The following MICAL1 variants were observed in gnomAD, a reference collection of about 807,000 sequenced individuals.
The protein encoded by MICAL1 is [F-actin]-monooxygenase MICAL1.
MICAL1 carries 95 observed loss-of-function variants against 131.8 expected under a neutral mutation model. That is an observed-to-expected ratio of 0.72 (90% CI 0.61 to 0.86). The LOEUF (loss-of-function observed/expected upper bound fraction) is 0.86, where lower values mean the gene tolerates loss of function less well. MICAL1 is among the 40% of genes least tolerant of loss of function. MICAL1 has a pLI of 0.00. For missense variants in MICAL1, 1,292 were observed against 1,380.6 expected (o/e 0.94, Z 1.02); for synonymous variants, 546 against 554.2 (o/e 0.99, Z 0.21).
chr6:109,450,183 C>T (rs1775478414), intron 8 of MICAL1, 98 bp from the exon 9 acceptor site: 3 of 1,560,518 alleles, frequency 1.9e-6, no homozygotes, highest in Non-Finnish European at 1.7e-6. Flanking sequence ...GGGGCCATCC[C>T]CACACCAGGC....
chr6:109,449,331 G>A (rs1052605437), intron 11 of MICAL1, 69 bp downstream of exon 11: 2 of 1,521,328 alleles, frequency 1.3e-6, no homozygotes, highest in Non-Finnish European at 1.8e-6. Flanking sequence ...CAGCTGCTTT[G>A]CAGGGACCAC....
chr6:109,444,840 G>A, intron 23 of MICAL1, 42 bp from the exon 24 acceptor site: 1 of 1,614,038 alleles, frequency 6.2e-7, no homozygotes, highest in Non-Finnish European at 8.5e-7. Flanking sequence ...TGTCTAAGGT[G>A]CCCAAGGGGC....
intron 12 of MICAL1, 153 bp from the exon 13 acceptor site, chr6:109,448,546 C>T: frequency 8.1e-7 from 1 of 1,235,584 alleles, no homozygotes; most frequent in Admixed American, 1.9e-5. Context: ...CAGTGCCCAA[C>T]CCAGTGACAC....
chr6:109,465,675 C>T, exon 1 of MICAL1: 1 of 1,588,448 alleles, frequency 6.3e-7, no homozygotes, highest in South Asian at 1.1e-5. Flanking sequence ...TTAGACAAGA[C>T]ATACACACAT....
upstream of MICAL1, among the ~76,000 whole-genome samples, chr6:109,460,523 T>TACACACACACACACACAC (rs113472586): frequency 1.6e-4 from 23 of 147,784 alleles, no homozygotes; most frequent in East Asian, 7.9e-4. Flanking sequence ...TATATATAAA[T>TACACACACACACACACAC]ACACACACAC....
At position 109,447,687 on chromosome 6, in the gene MICAL1, G is replaced by C; in HGVS notation, c.1980C>G (p.Arg660=). The part of the protein sequence containing the change: ...NAEDAGGKKL[R]LEMEAETPST... ...CGCCCCTGCCTGCATTCACCTCCAA[G>C]CGCAGCTTCTTGCCACCAGCATCCT... Residue 660 remains arginine, a synonymous_variant, in exon 15 of 25, where the codon CGC becomes CGG. Coordinates refer to ENST00000358807, the MANE Select transcript of MICAL1 (RefSeq NM_022765.4). 6.2e-7 allele frequency: 1 copy of C among 1,614,032 alleles called. No homozygotes were observed.
intron 12 of MICAL1, 87 bp from the exon 13 acceptor site, chr6:109,448,480 C>A: frequency 6.8e-7 from 1 of 1,466,476 alleles, no homozygotes. Flanking sequence ...GGAGGGACAG[C>A]AAGCAGCAGC....
chr6:109,452,007 C>T, intron 6 of MICAL1: 2 of 1,394,368 alleles, frequency 1.4e-6, no homozygotes, highest in Non-Finnish European at 1.9e-6. Flanking sequence ...ACCACTTAAG[C>T]AAAACTCCCA....
chr6:109,465,397 G>GT, intron 1 of MICAL1: 1 of 505,104 alleles, frequency 2.0e-6, no homozygotes, highest in Non-Finnish European at 3.5e-6. Flanking sequence ...TTGTCTTGTG[G>GT]TAACAACTGT....
chr6:109,451,255 A>G (rs1439626323), intron 7 of MICAL1, among the ~76,000 whole-genome samples: 3 of 151,152 alleles, frequency 2.0e-5, no homozygotes, highest in African/African-American at 7.3e-5. Context: ...CCAGGTTCAA[A>G]TGATTCTCCT....
chr6:109,451,486 G>A, intron 7 of MICAL1, 114 bp downstream of exon 7: 10 of 1,271,084 alleles, frequency 7.9e-6, no homozygotes, highest in Non-Finnish European at 1.1e-5. Context: ...TTAATGCCAG[G>A]ACAAAGGCAG....
Position 109,446,148 on chromosome 6 carries a change from G to A in MICAL1, c.2569C>T (p.Gln857Ter), listed in dbSNP as rs1472323827. The change falls in exon 19 of 25, where the codon CAG becomes TAG. Residue 857 changes from glutamine (Q) to a stop codon, truncating the protein, a stop_gained. Coordinates refer to ENST00000358807, the MANE Select transcript of MICAL1 (RefSeq NM_022765.4). LOFTEE classifies it high-confidence loss of function. ...SSFVGWGLPV[Q>*]SPQALVAMEK... Reference sequence around the variant, plus strand: ...GAGGATGGGTTACCTTGAGGGCTCTGGACTGGCAGGCCCCAGCCCACAAAG... The same window carrying A: ...GAGGATGGGTTACCTTGAGGGCTCTAGACTGGCAGGCCCCAGCCCACAAAG... 1 of 1,550,868 alleles carries A rather than the reference G, an allele frequency of 6.4e-7. No homozygotes were observed. The highest frequency in any genetic ancestry group is 2.3e-5 in the East Asian group (1 of 44,372).
At position 109,450,453 on chromosome 6, in the gene MICAL1, G is replaced by A. The variant is rs773493278; in HGVS notation, c.1038C>T (p.Leu346=). ...CATCCTGGGCAAACTCTAGTTTCCC[G>A]AGCTTGCCATGGGTGGCAAAGTCAG... The part of the protein sequence containing the change: ...AAADFATHGK[L]GKLEFAQDAH... The change falls in exon 8 of 25, where the codon CTC becomes CTT. Residue 346 remains leucine, a synonymous_variant. Coordinates refer to ENST00000358807, the MANE Select transcript of MICAL1 (RefSeq NM_022765.4). The A allele has an allele frequency of 1.6e-5, 26 of 1,613,422 alleles. No homozygotes were observed. The highest frequency in any genetic ancestry group is 1.3e-4 in the Admixed American group (8 of 60,000).
intron 11 of MICAL1, 159 bp downstream of exon 11, chr6:109,449,241 C>T (rs766673589): frequency 3.0e-5 from 24 of 797,072 alleles, no homozygotes; most frequent in East Asian, 1.8e-4. Context: ...GGTGCTGCCC[C>T]TCCGTTCCTC....
upstream of MICAL1, among the ~76,000 whole-genome samples, chr6:109,456,766 AT>A (rs1181739108): frequency 2.6e-5 from 4 of 152,214 alleles, no homozygotes; most frequent in African/African-American, 4.8e-5. Context: ...TCCTATGAGT[AT>A]TACCTCAACA....
chr6:109,451,291 T>G (rs1775530576), intron 7 of MICAL1, among the ~76,000 whole-genome samples: 1 of 152,026 alleles, frequency 6.6e-6, no homozygotes, highest in Non-Finnish European at 1.5e-5. Flanking sequence ...GTAGCTGGGA[T>G]TACAGGCGCC....
chr6:109,455,984 T>G, upstream of MICAL1: 1 of 985,798 alleles, frequency 1.0e-6, no homozygotes, highest in Non-Finnish European at 1.2e-6. This position sits in a 1 kb window ranked among gnomAD's most constrained non-coding sequence, Gnocchi z 4.7. Context: ...GGGACAGTCT[T>G]GGGCCCGCCC....
Position 109,448,190 on chromosome 6 carries a change from T to C in MICAL1, c.1855+13A>G, listed in dbSNP as rs1472166330. On this transcript the variant is annotated intron_variant, in intron 13 of 24. Coordinates refer to ENST00000358807, the MANE Select transcript of MICAL1 (RefSeq NM_022765.4). ...CCATCCCAGTTATCCTGCCCGCCTTTCCTTCAGGTCACCTGGGCTGTGGGC... is the reference window on the plus strand; with the variant it reads ...CCATCCCAGTTATCCTGCCCGCCTTCCCTTCAGGTCACCTGGGCTGTGGGC... The C allele has an allele frequency of 2.6e-6, 4 of 1,566,938 alleles. No individual in the cohort carries two copies. In the South Asian group the frequency reaches 4.5e-5, roughly 17 times the overall value.
chr6:109,444,584 A>AC (rs1582634042), intron 24 of MICAL1, 141 bp downstream of exon 24: 18 of 1,102,286 alleles, frequency 1.6e-5, no homozygotes, highest in East Asian at 2.4e-5. Flanking sequence ...GGGGCTTTGG[A>AC]GCCCCCTCCT....
Sources: gnomAD v4.1 joint callset for allele counts (sites outside exome capture counted in the v4.1 genomes callset) on GRCh38, gnomAD v4.1.1 for gene constraint, Gnocchi (gnomAD v3.1) non-coding constraint, MANE v1.5 for transcripts, NCBI Gene and HGNC (gene_info 2026-07-23, HGNC 2026-07-21) for gene names.